FNTA: variants seen among roughly 807,000 people sequenced by gnomAD.
The protein encoded by FNTA is farnesyltransferase, CAAX box, subunit alpha.
In FNTA, 27 loss-of-function variants were observed where a neutral mutation model predicts 55.2. The observed-to-expected ratio is 0.49, with a 90% confidence interval of 0.36 to 0.67. The LOEUF (loss-of-function observed/expected upper bound fraction) is 0.67, where lower values mean the gene tolerates loss of function less well. FNTA is among the 30% of genes least tolerant of loss of function. The probability of loss-of-function intolerance (pLI) is 0.00; values close to 1 mark genes in which losing one functional copy is unlikely to be tolerated. For missense variants in FNTA, 422 were observed against 464.7 expected (o/e 0.91, Z 0.85); for synonymous variants, 176 against 170.7 (o/e 1.03, Z -0.24).
chr8:43,084,276 G>A (rs1811083111), intron 7 of FNTA, among the ~76,000 whole-genome samples: 1 of 147,454 alleles, frequency 6.8e-6, no homozygotes, highest in Admixed American at 6.8e-5. Context: ...CTGGAGGGCA[G>A]TGGCATGATC....
At chr8:43,075,781 A>C (rs753963461) in intron 5 of FNTA, among the ~76,000 whole-genome samples, 2 of 152,222 alleles carry the variant, frequency 1.3e-5, no homozygotes, top group African/African-American at 2.4e-5. Context: ...ATGCCACTGC[A>C]CTGCAGCCTG....
At chr8:43,078,094 A>G (rs1810950214) in intron 6 of FNTA, 1 of 152,120 alleles carries the variant, frequency 6.6e-6, no homozygotes, top group South Asian at 2.1e-4. Flanking sequence ...CTCTCTTCCA[A>G]GCTCTTGATT....
chr8:43,062,758 A>G (rs1365296884), intron 2 of FNTA, among the ~76,000 whole-genome samples: 3 of 152,222 alleles, frequency 2.0e-5, no homozygotes, highest in Non-Finnish European at 4.4e-5. Context: ...TTTCACACCA[A>G]GCAATTTTCT....
chr8:43,065,644 A>G (rs1475352761), intron 3 of FNTA, among the ~76,000 whole-genome samples: 2 of 151,346 alleles, frequency 1.3e-5, no homozygotes, highest in African/African-American at 2.5e-5. Flanking sequence ...ATGCTCTGCT[A>G]TATGTGAAGT....
intron 5 of FNTA, among the ~76,000 whole-genome samples, chr8:43,074,170 ATGTATTTTAC>A (rs1810856643): frequency 6.6e-6 from 1 of 152,192 alleles, no homozygotes; most frequent in Non-Finnish European, 1.5e-5. Flanking sequence ...CACAGATTGG[ATGTATTTTAC>A]TGTATTTCAT....
intron 5 of FNTA, among the ~76,000 whole-genome samples, chr8:43,074,690 A>G (rs1285011312): frequency 6.6e-6 from 1 of 152,156 alleles, no homozygotes; most frequent in Non-Finnish European, 1.5e-5. Flanking sequence ...GGCTCCATTG[A>G]GATAATATCC....
At chr8:43,066,869 C>T (rs913841063) in intron 3 of FNTA, among the ~76,000 whole-genome samples, 1 of 152,110 alleles carries the variant, frequency 6.6e-6, no homozygotes, top group Non-Finnish European at 1.5e-5. Context: ...GACAGTGTGT[C>T]TCTCAAAGAG....
chr8:43,056,675 A>T lies in FNTA; in HGVS notation c.200+129A>T, dbSNP rs561379127. 2,002 of 508,688 alleles carry T rather than the reference A, an allele frequency of 3.9e-3. 6 individuals are homozygous for T. Among genetic ancestry groups the T allele is most frequent in the Non-Finnish European group, 5.0e-3 (1,733 of 346,326 alleles). 31.5% of individuals were successfully genotyped at this position (508,688 alleles called of 1,614,324 possible). On this transcript the variant is annotated intron_variant, in intron 1 of 8. Transcript: ENST00000302279. ...CCCGTGGCGCCGCGTGGGCCGGTGC[A>T]TGGCGCTGGGCCCGGGCGGCTGCCG...
At chr8:43,066,793 A>G (rs1004064189) in intron 3 of FNTA, among the ~76,000 whole-genome samples, 3 of 152,154 alleles carry the variant, frequency 2.0e-5, no homozygotes, top group Non-Finnish European at 4.4e-5. Flanking sequence ...CTGTGAAGTT[A>G]CTGAGTGGGG....
rs779959783 is a variant in FNTA at position 43,069,551 on chromosome 8, C to T, written c.402-4C>T. The T allele has an allele frequency of 3.8e-6, 6 of 1,590,578 alleles. No homozygotes were observed. In the African/African-American group the frequency reaches 6.7e-5, roughly 18 times the overall value. On this transcript the variant is annotated splice_polypyrimidine_tract_variant and splice_region_variant and intron_variant, in intron 3 of 8. Transcript: ENST00000302279. Reference sequence around the variant, plus strand: ...CGACTTTGGATGTTGTATGTTTGCCCTAGGCATTTCCGGAGAGTTCTTTTG... The same window carrying T: ...CGACTTTGGATGTTGTATGTTTGCCTTAGGCATTTCCGGAGAGTTCTTTTG...
chr8:43,071,712 CAAAA>C lies in FNTA; in HGVS notation c.507-465_507-462del, dbSNP rs1461051928. The stretch of plus-strand genomic sequence containing the variant: ...TTCGTCTCAAAAAAAAAAAAAAAAA[CAAAA>C]AAACTCCTCTGTTGACAACTTGCAA... On this transcript the variant is annotated intron_variant, in intron 4 of 8. Coordinates refer to ENST00000302279, the MANE Select transcript of FNTA (RefSeq NM_002027.3). 2.7e-3 allele frequency among the ~76,000 whole-genome samples: 377 copies of C among 137,984 alleles called. 2 individuals are homozygous for C. Among genetic ancestry groups the C allele is most frequent in the South Asian group, 0.012 (52 of 4,214 alleles). The allele number at this position is 137,984 out of a possible 152,430, so 90.5% of individuals were successfully genotyped here. A position where few individuals can be genotyped will look rare whatever the true frequency, so the allele number is the denominator to read the frequency against.
intron 3 of FNTA, among the ~76,000 whole-genome samples, chr8:43,066,587 C>CGTGTAT (rs1810665184): frequency 6.7e-6 from 1 of 148,580 alleles, no homozygotes; most frequent in African/African-American, 2.5e-5. Context: ...TAGCATCGTT[C>CGTGTAT]GTGTGTGTGT....
chr8:43,077,187 T>C, intron 5 of FNTA, 29 bp from the exon 6 acceptor site: 1 of 1,505,942 alleles, frequency 6.6e-7, no homozygotes, highest in South Asian at 1.2e-5. Context: ...CATTTCTAAT[T>C]GGATGATTTT....
chr8:43,067,073 T>C (rs1399349434), intron 3 of FNTA, among the ~76,000 whole-genome samples: 1 of 152,206 alleles, frequency 6.6e-6, no homozygotes, highest in Non-Finnish European at 1.5e-5. Context: ...AATGTCCTTA[T>C]TTCCACCCTT....
intron 7 of FNTA, among the ~76,000 whole-genome samples, chr8:43,083,661 A>C (rs1435318258): frequency 2.0e-5 from 3 of 152,226 alleles, no homozygotes; most frequent in Non-Finnish European, 4.4e-5. Context: ...TGAACATAAG[A>C]GGTCTTCAAG....
chr8:43,085,240 A>G lies in FNTA; in HGVS notation c.1098A>G (p.Lys366=). 6.2e-7 allele frequency: 1 copy of G among 1,609,408 alleles called. No individual in the cohort carries two copies. The highest frequency in any genetic ancestry group is 8.5e-7 in the Non-Finnish European group (1 of 1,178,938). The change falls in exon 9 of 9, where the codon AAA becomes AAG. Residue 366 remains lysine, a synonymous_variant. Transcript: ENST00000302279. ...ACATTGGAAGATCCCTTCAAAGCAA[A>G]CACAGCACAGAAAATGACTCACCAA... The part of the protein sequence containing the change: ...WRYIGRSLQS[K]HSTENDSPTN...
rs768168316 is a variant in FNTA at position 43,064,093 on chromosome 8, A to G, written c.287-8A>G. ...TGGTCCTAATGTAGTTGTGTGCTCT[A>G]TCTCTAGTTAGAGATGTTTATGATT... On this transcript the variant is annotated splice_region_variant and splice_polypyrimidine_tract_variant and intron_variant, in intron 2 of 8. Coordinates refer to ENST00000302279, the MANE Select transcript of FNTA (RefSeq NM_002027.3). 13 of 1,570,318 alleles carry G rather than the reference A, an allele frequency of 8.3e-6. No homozygotes were observed. Among genetic ancestry groups the G allele is most frequent in the Admixed American group, 5.0e-5 (3 of 59,750 alleles).
intron 6 of FNTA, chr8:43,078,276 C>T (rs1463526604): frequency 6.6e-6 from 1 of 151,898 alleles, no homozygotes; most frequent in Non-Finnish European, 1.5e-5. Context: ...TTCTAGTGCT[C>T]TCCTATATAA....
Position 43,070,970 on chromosome 8 carries a change from A to G in FNTA, c.507-1211A>G, listed in dbSNP as rs113662609. On this transcript the variant is annotated intron_variant, in intron 4 of 8. Coordinates refer to ENST00000302279, the MANE Select transcript of FNTA (RefSeq NM_002027.3). ...TCCAGCTAGTGTTCACTGACTTGGA[A>G]GATTTCTAAAATAAATTTGGAAACC... is the stretch of plus-strand genomic sequence containing the variant. Among the ~76,000 whole-genome samples the G allele has an allele frequency of 3.9e-3, 591 of 152,332 alleles. 3 individuals carry two copies. Among genetic ancestry groups the G allele is most frequent in the Non-Finnish European group, 6.0e-3 (411 of 68,026 alleles).
Sources: allele counts gnomAD v4.1 joint callset (sites outside exome capture counted in the v4.1 genomes callset), GRCh38; gene constraint gnomAD v4.1.1; transcripts MANE v1.5; gene names NCBI Gene and HGNC (gene_info 2026-07-23, HGNC 2026-07-21).